The following PPP3CA variants were observed in gnomAD, a reference collection of about 807,000 sequenced individuals.
The protein encoded by PPP3CA is protein phosphatase 3 catalytic subunit alpha.
PPP3CA carries 14 observed loss-of-function variants against 66.5 expected under a neutral mutation model. The observed-to-expected ratio is 0.21, with a 90% CI of 0.14 to 0.33. PPP3CA has a LOEUF of 0.33. Ranked by LOEUF, PPP3CA falls within the 10% of genes least tolerant of loss-of-function variation. PPP3CA has a pLI of 1.00. For synonymous variants in PPP3CA, 232 were observed against 226.2 expected (o/e 1.03, Z -0.23); for missense variants, 317 against 639.5 (o/e 0.50, Z 5.44).
intron 1 of PPP3CA, among the ~76,000 whole-genome samples, chr4:101,335,625 A>C (rs112099456): frequency 9.9e-4 from 151 of 152,282 alleles, no homozygotes; most frequent in African/African-American, 3.4e-3. Context: ...TAACAAGGGA[A>C]TTTCAATGGG....
intron 2 of PPP3CA, among the ~76,000 whole-genome samples, chr4:101,148,762 A>G (rs1723045602): frequency 6.6e-6 from 1 of 152,138 alleles, no homozygotes; most frequent in Admixed American, 6.5e-5. Context: ...CAAGGAGTGT[A>G]AGGCTTTAGT....
At chr4:101,320,938 A>T (rs554896721) in intron 1 of PPP3CA, among the ~76,000 whole-genome samples, 45 of 152,290 alleles carry the variant, frequency 3.0e-4, no homozygotes, top group African/African-American at 1.1e-3. Context: ...GCTCCAGCAT[A>T]AAAAAATGAC....
chr4:101,326,140 A>G (rs1729201614), intron 1 of PPP3CA, among the ~76,000 whole-genome samples: 2 of 152,198 alleles, frequency 1.3e-5, no homozygotes, highest in Admixed American at 6.5e-5. Context: ...TGTCTCCAAA[A>G]AAGGAAGGAG....
intron 1 of PPP3CA, among the ~76,000 whole-genome samples, chr4:101,314,237 T>C (rs933400360): frequency 1.4e-4 from 21 of 151,638 alleles, no homozygotes; most frequent in African/African-American, 5.1e-4. Flanking sequence ...ATATGTTAAT[T>C]TTAAGGAGTA....
intron 1 of PPP3CA, among the ~76,000 whole-genome samples, chr4:101,274,643 G>A (rs746609050): frequency 6.6e-6 from 1 of 151,748 alleles, no homozygotes; most frequent in Non-Finnish European, 1.5e-5. Flanking sequence ...TTCTATGTAC[G>A]TATTACAGCA....
intron 1 of PPP3CA, among the ~76,000 whole-genome samples, chr4:101,278,140 TAAAA>T (rs1394423187): frequency 1.7e-5 from 2 of 118,768 alleles, no homozygotes; most frequent in South Asian, 2.5e-4. Context: ...AAAAAAAAAA[TAAAA>T]AAATTAAAAA....
intron 2 of PPP3CA, among the ~76,000 whole-genome samples, chr4:101,146,998 T>G (rs1722991315): frequency 6.6e-6 from 1 of 152,208 alleles, no homozygotes; most frequent in Non-Finnish European, 1.5e-5. Context: ...TCATTTAATT[T>G]GTATAACATT....
At position 101,109,308 on chromosome 4, in the gene PPP3CA, T is replaced by TA. The variant is rs70961775; in HGVS notation, c.260-231dup. ...TGAGTCCACTAGTATACAGATTAAC[T>TA]AAAAAAAAAAAAAAAAAAAAAAAGA... is the stretch of plus-strand genomic sequence containing the variant. On this transcript the variant is annotated intron_variant, in intron 2 of 13. Coordinates refer to ENST00000394854, the MANE Select transcript of PPP3CA (RefSeq NM_000944.5). Among the ~76,000 whole-genome samples, 240 of 89,904 alleles carry TA rather than the reference T, an allele frequency of 2.7e-3. 1 individual carries two copies. The highest frequency in any genetic ancestry group is 6.8e-3 in the Middle Eastern group (1 of 148). 59.0% of individuals were successfully genotyped at this position (89,904 alleles called of 152,430 possible).
At chr4:101,128,398 C>T (rs1296350636) in intron 2 of PPP3CA, among the ~76,000 whole-genome samples, 3 of 151,896 alleles carry the variant, frequency 2.0e-5, no homozygotes, top group Non-Finnish European at 4.4e-5. Context: ...TGAATATGGA[C>T]ACAATTATCA....
At chr4:101,038,445 C>A (rs1471286169) in intron 11 of PPP3CA, among the ~76,000 whole-genome samples, 1 of 151,498 alleles carries the variant, frequency 6.6e-6, no homozygotes, top group African/African-American at 2.4e-5. Flanking sequence ...TCTCGGCTTA[C>A]TGCAACCTCC....
At position 101,035,911 on chromosome 4, in the gene PPP3CA, C is replaced by T. The variant is rs907895088; in HGVS notation, c.1242-3547G>A. Among the ~76,000 whole-genome samples the T allele has an allele frequency of 3.3e-5, 5 of 152,122 alleles. No homozygotes were observed. In the South Asian group the frequency reaches 1.0e-3, roughly 32 times the overall value. Reference sequence around the variant, plus strand: ...GTAATGCTTTTTTCTCCTGCTTCTCCTTCTCCTTCTCTGACATCTTTTCAG... The same window carrying T: ...GTAATGCTTTTTTCTCCTGCTTCTCTTTCTCCTTCTCTGACATCTTTTCAG... On this transcript the variant is annotated intron_variant, in intron 11 of 13. Coordinates refer to ENST00000394854, the MANE Select transcript of PPP3CA (RefSeq NM_000944.5).
chr4:101,140,298 A>G (rs1213626857), intron 2 of PPP3CA, among the ~76,000 whole-genome samples: 3 of 152,128 alleles, frequency 2.0e-5, no homozygotes, highest in Non-Finnish European at 2.9e-5. Flanking sequence ...ATCCATGCTG[A>G]GTTCTGAGTG....
At chr4:101,188,474 A>C (rs556939066) in intron 2 of PPP3CA, among the ~76,000 whole-genome samples, 2 of 152,194 alleles carry the variant, frequency 1.3e-5, no homozygotes, top group African/African-American at 4.8e-5. Context: ...GTCATTGTAT[A>C]ATCAGTATAA....
In PPP3CA at chr4:101,030,070, A is replaced by G. The variant is rs1303630592; in HGVS notation, c.1340-875T>C. Among the ~76,000 whole-genome samples the G allele has an allele frequency of 7.9e-5, 12 of 152,110 alleles. No homozygotes were observed. In the East Asian group the frequency reaches 2.3e-3, roughly 29 times the overall value. ...GCATATTTCAGAGGCAGAACTTGAA[A>G]AGCCCACTGCTTTATCAGCAATTTT... On this transcript the variant is annotated intron_variant, in intron 12 of 13. Coordinates refer to ENST00000394854, the MANE Select transcript of PPP3CA (RefSeq NM_000944.5).
intron 1 of PPP3CA, among the ~76,000 whole-genome samples, chr4:101,288,591 C>T (rs910864803): frequency 2.0e-5 from 3 of 149,912 alleles, no homozygotes; most frequent in African/African-American, 7.4e-5. Flanking sequence ...GAGGGAACAA[C>T]GGGAAGGAGG....
chr4:101,252,813 T>C (rs200165263), intron 1 of PPP3CA, among the ~76,000 whole-genome samples: 1 of 152,290 alleles, frequency 6.6e-6, no homozygotes, highest in East Asian at 1.9e-4. Context: ...ACTTCTTAAC[T>C]GTCTCTCTTA....
At chr4:101,110,236 A>C (rs1445627924) in intron 2 of PPP3CA, among the ~76,000 whole-genome samples, 5 of 152,220 alleles carry the variant, frequency 3.3e-5, no homozygotes, top group Non-Finnish European at 7.3e-5. Flanking sequence ...CCAAAAGTAG[A>C]TCTTAACACA....
intron 1 of PPP3CA, among the ~76,000 whole-genome samples, chr4:101,312,578 C>T (rs1340300966): frequency 6.6e-6 from 1 of 151,672 alleles, no homozygotes; most frequent in Admixed American, 6.6e-5. Flanking sequence ...GCTGAATGGC[C>T]GTTCATTTTT....
In PPP3CA at chr4:101,273,296, CT is replaced by C. The variant is rs879289931; in HGVS notation, c.58+73442del. Among the ~76,000 whole-genome samples, 737 of 146,248 alleles carry C rather than the reference CT, an allele frequency of 5.0e-3. 4 individuals are homozygous for C. The highest frequency in any genetic ancestry group is 0.013 in the African/African-American group (507 of 40,286). Reference sequence around the variant, plus strand: ...TAATAAAAGAAAATAATTAAAATTACTTTTTTTTTTTTTGAGATGGAGTCTT... The same window carrying C: ...TAATAAAAGAAAATAATTAAAATTACTTTTTTTTTTTTGAGATGGAGTCTT... On this transcript the variant is annotated intron_variant, in intron 1 of 13. Coordinates refer to ENST00000394854, the MANE Select transcript of PPP3CA (RefSeq NM_000944.5).
Sources: gnomAD v4.1 joint callset for allele counts (sites outside exome capture counted in the v4.1 genomes callset) on GRCh38, gnomAD v4.1.1 for gene constraint, MANE v1.5 for transcripts, NCBI Gene and HGNC (gene_info 2026-07-23, HGNC 2026-07-21) for gene names.